Variants in OR2A12 observed in about 807,000 individuals in gnomAD.
OR2A12 encodes the protein olfactory receptor family 2 subfamily A member 12, also known as olfactory receptor 2A12.
For missense variants in OR2A12, 380 were observed against 372.5 expected (o/e 1.02, Z -0.17); for synonymous variants, 153 against 149.3 (o/e 1.02, Z -0.18).
rs746478286 is a variant in OR2A12 at position 144,096,002 on chromosome 7, G to T, written c.895G>T (p.Ala299Ser). The stretch of plus-strand genomic sequence containing the variant: ...CCTTAGGAATGCAGAGGTGAAAGGG[G>T]CTCTAAAGAGAGTCCTTTGGAAACA... ...YSLRNAEVKG[A>S]LKRVLWKQRS... The change falls in exon 2 of 2, where the codon GCT becomes TCT. Residue 299 changes from alanine (A) to serine (S), a missense_variant. Coordinates refer to ENST00000641592, the MANE Select transcript of OR2A12 (RefSeq NM_001004135.2). The T allele has an allele frequency of 2.5e-6, 4 of 1,607,136 alleles. No homozygotes were observed. The African/African-American group carries it at 4.0e-5, about 16-fold the overall frequency.
chr7:144,094,943 T>G, intron 1 of OR2A12, 114 bp from the exon 2 acceptor site: 2 of 511,030 alleles, frequency 3.9e-6, no homozygotes, highest in Non-Finnish European at 3.4e-6. Flanking sequence ...AAGCCAAATT[T>G]GTAAGTCAAC....
chr7:144,090,852 A>T (rs1357707720), intron 1 of OR2A12, among the ~76,000 whole-genome samples: 1 of 152,224 alleles, frequency 6.6e-6, no homozygotes, highest in African/African-American at 2.4e-5. Flanking sequence ...GTTCCTACAA[A>T]GGACATGATC....
At position 144,095,309 on chromosome 7, in the gene OR2A12, G is replaced by C. The variant is rs1436911701; in HGVS notation, c.202G>C (p.Val68Leu). The C allele has an allele frequency of 6.2e-7, 1 of 1,613,888 alleles. No individual in the cohort carries two copies. The highest frequency in any genetic ancestry group is 8.5e-7 in the Non-Finnish European group (1 of 1,179,850). ...TGTCTTCCTGTCACACCTGGCCATT[G>C]TGGACATGTCCTATGCCTCGAGTAC... ...MYVFLSHLAI[V>L]DMSYASSTVP... The change falls in exon 2 of 2, where the codon GTG (valine) becomes CTG (leucine). Residue 68 changes from valine to leucine, a missense_variant. By Grantham distance (32) the Val-to-Leu change is conservative. Coordinates refer to ENST00000641592, the MANE Select transcript of OR2A12 (RefSeq NM_001004135.2).
Position 144,095,295 on chromosome 7 carries a change from C to A in OR2A12, c.188C>A (p.Ser63Ter). 26 of 1,614,014 alleles carry A rather than the reference C, an allele frequency of 1.6e-5. No homozygotes were observed. Among genetic ancestry groups the A allele is most frequent in the Non-Finnish European group, 2.1e-5 (25 of 1,179,934 alleles). The change falls in exon 2 of 2, where the codon TCA (serine) becomes TAA (stop). Residue 63 changes from serine to a stop codon, truncating the protein, a stop_gained. Transcript: ENST00000641592. LOFTEE classifies it low-confidence loss of function (END_TRUNC). Reference protein sequence around the residue: ...RLHTPMYVFLSHLAIVDMSYA... With the variant: ...RLHTPMYVFL ...CACACACCCATGTATGTCTTCCTGT[C>A]ACACCTGGCCATTGTGGACATGTCC...
chr7:144,095,890 C>G lies in OR2A12; in HGVS notation c.783C>G (p.Pro261=). The change falls in exon 2 of 2, where the codon CCC becomes CCG. Residue 261 remains proline, a synonymous_variant. Transcript: ENST00000641592. ...GCGCCATTGTCATGTACATGGCCCC[C>G]AAGTCAAGCCATTCTCAAGAACGGA... The part of the protein sequence containing the change: ...FGSAIVMYMA[P]KSSHSQERRK... The G allele has an allele frequency of 6.2e-7, 1 of 1,614,120 alleles. No individual in the cohort carries two copies. The highest frequency in any genetic ancestry group is 8.5e-7 in the Non-Finnish European group (1 of 1,180,020).
rs551613751 is a variant in OR2A12 at position 144,097,776 on chromosome 7, T to A, written c.*1736T>A. 2 of 152,302 alleles carry A rather than the reference T, an allele frequency of 1.3e-5. No homozygotes were observed. Among genetic ancestry groups the A allele is most frequent in the South Asian group, 4.1e-4 (2 of 4,832 alleles). The allele number at this position is 152,302 out of a possible 1,614,324, so 9.4% of individuals were successfully genotyped here. On this transcript the variant is annotated 3_prime_UTR_variant, in exon 2 of 2. Transcript: ENST00000641592. ...TGAAAAAGCTTTGAAGTAAATGGTG[T>A]TGGGACAACCAAGTCTTTATAAAGA...
chr7:144,089,458 G>A (rs1010092154), intron 1 of OR2A12, among the ~76,000 whole-genome samples: 5 of 151,802 alleles, frequency 3.3e-5, no homozygotes, highest in African/African-American at 1.2e-4. Flanking sequence ...CAACTAAAGT[G>A]CCTAACTCTG....
At chr7:144,090,276 C>T (rs2051218592) in intron 1 of OR2A12, among the ~76,000 whole-genome samples, 1 of 151,020 alleles carries the variant, frequency 6.6e-6, no homozygotes, top group Admixed American at 6.6e-5. Context: ...CTTTAAGAGA[C>T]AAATAAAATT....
chr7:144,098,046 G>A lies in OR2A12; in HGVS notation c.*2006G>A, dbSNP rs1384671008. ...TCAAAACAGGGCATAAAAAGTGAAA[G>A]GACAAGCCACAAAATCTTCTGGAAG... On this transcript the variant is annotated 3_prime_UTR_variant, in exon 2 of 2. Coordinates refer to ENST00000641592, the MANE Select transcript of OR2A12 (RefSeq NM_001004135.2). 1 of 152,082 alleles carries A rather than the reference G, an allele frequency of 6.6e-6. No homozygotes were observed. The highest frequency in any genetic ancestry group is 1.5e-5 in the Non-Finnish European group (1 of 68,012). The allele number at this position is 152,082 out of a possible 1,614,324, so 9.4% of individuals were successfully genotyped here.
intron 1 of OR2A12, among the ~76,000 whole-genome samples, chr7:144,087,024 AGCTGGT>A (rs2051192351): frequency 2.6e-5 from 4 of 152,128 alleles, no homozygotes; most frequent in Non-Finnish European, 5.9e-5. Context: ...TGTGGGAAGG[AGCTGGT>A]AGCAGTAGAT....
intron 1 of OR2A12, among the ~76,000 whole-genome samples, chr7:144,089,357 T>C (rs1234943211): frequency 6.6e-6 from 1 of 151,490 alleles, no homozygotes; most frequent in Non-Finnish European, 1.5e-5. Context: ...CGTCTGCGTC[T>C]GTGTGTGTGT....
chr7:144,096,190 G>A lies in OR2A12; in HGVS notation c.*150G>A, dbSNP rs144118288. 4.5e-4 allele frequency: 286 copies of A among 630,624 alleles called. 5 individuals are homozygous for A. The African/African-American group carries it at 4.6e-3, about 10-fold the overall frequency. The allele number at this position is 630,624 out of a possible 1,614,324, so 39.1% of individuals were successfully genotyped here. ...GAGAAACTGGCCTGGCGTGGTGGCT[G>A]AAGCCTGTAATCCCAACACTTTGGG... On this transcript the variant is annotated 3_prime_UTR_variant, in exon 2 of 2. Transcript: ENST00000641592.
At position 144,095,039 on chromosome 7, in the gene OR2A12, T is replaced by C; in HGVS notation, c.-51-18T>C. ...ATTCATGCTCTATAATGAAATGTTT[T>C]TTATTTTCTCCCATTAGCTGTGAAA... On this transcript the variant is annotated intron_variant, in intron 1 of 1. Transcript: ENST00000641592. 1.9e-6 allele frequency: 2 copies of C among 1,064,434 alleles called. No individual in the cohort carries two copies. Among genetic ancestry groups the C allele is most frequent in the South Asian group, 1.6e-5 (1 of 64,290 alleles). 65.9% of individuals were successfully genotyped at this position (1,064,434 alleles called of 1,614,324 possible). A position where few individuals can be genotyped will look rare whatever the true frequency, so the allele number is the denominator to read the frequency against.
intron 1 of OR2A12, among the ~76,000 whole-genome samples, chr7:144,094,097 A>G (rs947848116): frequency 6.6e-6 from 1 of 152,036 alleles, no homozygotes; most frequent in Non-Finnish European, 1.5e-5. Context: ...TTTAAAACAA[A>G]CATGTTTATT....
In OR2A12 at chr7:144,095,168, G is replaced by A. The variant is rs563034196; in HGVS notation, c.61G>A (p.Ala21Thr). 46 of 1,614,012 alleles carry A rather than the reference G, an allele frequency of 2.9e-5. No individual in the cohort carries two copies. The South Asian group carries it at 4.5e-4, about 16-fold the overall frequency. ...VILLGFQVDP[A>T]LELFLFGFFL... ...CCTGTTGGGATTCCAGGTGGACCCA[G>A]CTCTGGAGTTGTTCCTCTTTGGGTT... is the stretch of plus-strand genomic sequence containing the variant. The change falls in exon 2 of 2, where the codon GCT becomes ACT. Residue 21 changes from alanine (A) to threonine (T), a missense_variant. Coordinates refer to ENST00000641592, the MANE Select transcript of OR2A12 (RefSeq NM_001004135.2).
chr7:144,090,856 C>T (rs191021627), intron 1 of OR2A12, among the ~76,000 whole-genome samples: 1 of 152,244 alleles, frequency 6.6e-6, no homozygotes, highest in East Asian at 1.9e-4. Context: ...CTACAAAGGA[C>T]ATGATCTCAT....
At chr7:144,093,049 TA>T (rs35550631) in intron 1 of OR2A12, among the ~76,000 whole-genome samples, 29,793 of 152,092 alleles carry the variant, frequency 0.2, 3,296 homozygotes, top group African/African-American at 0.28. Flanking sequence ...ATTTAGAATT[TA>T]TTTTTTATTT....
intron 1 of OR2A12, among the ~76,000 whole-genome samples, chr7:144,087,042 ACT>A (rs538176806): frequency 1.7e-3 from 264 of 152,164 alleles, no homozygotes; most frequent in Non-Finnish European, 3.2e-3. Context: ...GCAGTAGATC[ACT>A]CTGGTTCATG....
In OR2A12 at chr7:144,095,829, C is replaced by T. The variant is rs1017858634; in HGVS notation, c.722C>T (p.Ser241Phe). The T allele has an allele frequency of 4.3e-6, 7 of 1,614,010 alleles. 1 individual carries two copies. The highest frequency in any genetic ancestry group is 5.9e-6 in the Non-Finnish European group (7 of 1,180,020). The change falls in exon 2 of 2, where the codon TCC (serine) becomes TTC (phenylalanine). Residue 241 changes from serine (S) to phenylalanine (F), a missense_variant. By Grantham distance (155) the Ser-to-Phe change is radical (BLOSUM62 -2). Coordinates refer to ENST00000641592, the MANE Select transcript of OR2A12 (RefSeq NM_001004135.2). Reference protein sequence around the residue: ...EGRRKAFSTCSSHLCVVGLFF... With the variant: ...EGRRKAFSTCFSHLCVVGLFF... ...CGCAGAAAGGCCTTCTCTACCTGCT[C>T]CTCCCACCTCTGCGTGGTGGGGCTT...
Sources: allele counts gnomAD v4.1 joint callset (sites outside exome capture counted in the v4.1 genomes callset), GRCh38; gene constraint gnomAD v4.1.1; transcripts MANE v1.5; gene names NCBI Gene and HGNC (gene_info 2026-07-23, HGNC 2026-07-21).